Variants in TECPR1 observed in about 807,000 individuals in gnomAD.
TECPR1 encodes the protein tectonin beta-propeller repeat containing 1.
TECPR1 carries 122 observed loss-of-function variants against 162.4 expected under a neutral mutation model. The observed-to-expected ratio is 0.75, with a 90% CI of 0.65 to 0.87. TECPR1 has a LOEUF of 0.87. Ranked by LOEUF, TECPR1 falls within the 40% of genes least tolerant of loss-of-function variation. TECPR1 has a pLI of 0.00. For synonymous variants in TECPR1, 642 were observed against 670.6 expected (o/e 0.96, Z 0.66); for missense variants, 1,432 against 1,618.2 (o/e 0.88, Z 1.97).
intron 23 of TECPR1, among the ~76,000 whole-genome samples, chr7:98,219,083 C>A (rs1172998097): frequency 6.6e-6 from 1 of 152,124 alleles, no homozygotes; most frequent in African/African-American, 2.4e-5. Flanking sequence ...GAAATAAAGC[C>A]AGATACCCAC....
chr7:98,224,703 G>C (rs79279492), intron 19 of TECPR1, 98 bp downstream of exon 19: 1 of 1,211,436 alleles, frequency 8.3e-7, no homozygotes, highest in African/African-American at 1.5e-5. Context: ...CTAGGGGGCA[G>C]GGTTCAGCCT....
chr7:98,239,541 C>G (rs1379582827), intron 8 of TECPR1, among the ~76,000 whole-genome samples: 1 of 151,966 alleles, frequency 6.6e-6, no homozygotes, highest in Non-Finnish European at 1.5e-5. Context: ...GGTGACGGAA[C>G]GAGACTCTGT....
intron 23 of TECPR1, among the ~76,000 whole-genome samples, chr7:98,218,257 C>A (rs1454089479): frequency 1.3e-5 from 2 of 152,206 alleles, no homozygotes; most frequent in Admixed American, 6.5e-5. Flanking sequence ...CCGCCTTCTG[C>A]ACACTCGGGG....
chr7:98,231,547 C>T (rs1327872315), intron 13 of TECPR1, 174 bp from the exon 14 acceptor site: 2 of 642,186 alleles, frequency 3.1e-6, no homozygotes, highest in African/African-American at 4.3e-5. Flanking sequence ...CCCCAGGCAC[C>T]CCCATTTCTG....
At chr7:98,224,667 A>C (rs1798229559) in intron 19 of TECPR1, 134 bp downstream of exon 19, 1 of 847,120 alleles carries the variant, frequency 1.2e-6, no homozygotes, top group South Asian at 1.8e-5. Flanking sequence ...CAGGGCTGGC[A>C]CCAGGGGTCT....
intron 10 of TECPR1, among the ~76,000 whole-genome samples, chr7:98,236,475 G>A (rs1256600114): frequency 6.6e-6 from 1 of 151,900 alleles, no homozygotes; most frequent in African/African-American, 2.4e-5. Context: ...TCAGGGTCGA[G>A]CCTTACCTCC....
intron 10 of TECPR1, among the ~76,000 whole-genome samples, chr7:98,234,370 T>G (rs1584342348): frequency 6.6e-6 from 1 of 152,174 alleles, no homozygotes; most frequent in Non-Finnish European, 1.5e-5. Context: ...GGCAGGCTGG[T>G]CTTGAACTCC....
chr7:98,250,956 T>G (rs1799048888), intron 2 of TECPR1: 1 of 152,188 alleles, frequency 6.6e-6, no homozygotes, highest in Non-Finnish European at 1.5e-5. Context: ...GTAACCATCC[T>G]TGGTCAGCCA....
At chr7:98,230,911 C>T (rs1282756179) in intron 15 of TECPR1, 50 bp downstream of exon 15, 1 of 1,573,680 alleles carries the variant, frequency 6.4e-7, no homozygotes, top group Non-Finnish European at 8.6e-7. Context: ...TAACCACGAG[C>T]TCGGGGTGAG....
Position 98,241,296 on chromosome 7 carries a change from C to G in TECPR1, c.658-52G>C, listed in dbSNP as rs368059922. The stretch of plus-strand genomic sequence containing the variant: ...CCTGCATCAACTCATTCACACCAGC[C>G]AAGCACGGGGGTCTCGGTGTGGTAG... On this transcript the variant is annotated intron_variant, in intron 6 of 25. Transcript: ENST00000447648. This position sits in a 1 kb window ranked among gnomAD's most constrained non-coding sequence, Gnocchi z 5.0. The G allele has an allele frequency of 8.6e-4, 1,371 of 1,602,220 alleles. 25 individuals carry two copies. In the South Asian group the frequency reaches 0.014, roughly 17 times the overall value.
At position 98,233,117 on chromosome 7, in the gene TECPR1, T is replaced by C. The variant is rs11770798; in HGVS notation, c.1673-145A>G. The C allele has an allele frequency of 7.1e-6, 7 of 979,488 alleles. No homozygotes were observed. The South Asian group carries it at 1.5e-4, about 21-fold the overall frequency. The allele number at this position is 979,488 out of a possible 1,614,324, so 60.7% of individuals were successfully genotyped here. A position where few individuals can be genotyped will look rare whatever the true frequency, so the allele number is the denominator to read the frequency against. On this transcript the variant is annotated intron_variant, in intron 11 of 25. Transcript: ENST00000447648. ...AAGCCTCCTTCCACCCTTTGCCCTG[T>C]TGGATGAGTTGCTCTCCCCCAGTAA...
rs866668692 is a variant in TECPR1, at chr7:98,233,218, G to A, written c.1672+203C>T. On this transcript the variant is annotated intron_variant, in intron 11 of 25. Transcript: ENST00000447648. ...CAGGGGAAGGGGCACTGGCCACCGT[G>A]CTTCCAGGTCCTGACAGCCTCGGGC... 4 of 820,792 alleles carry A rather than the reference G, an allele frequency of 4.9e-6. No homozygotes were observed. The African/African-American group carries it at 5.2e-5, about 11-fold the overall frequency. The allele number at this position is 820,792 out of a possible 1,614,324, so 50.8% of individuals were successfully genotyped here. A position where few individuals can be genotyped will look rare whatever the true frequency, so the allele number is the denominator to read the frequency against.
Position 98,221,749 on chromosome 7 carries a change from G to T in TECPR1, c.3069C>A (p.Asp1023Glu). ...GTGGGGACGGGATGTGGTACCAGCA[G>T]TCACCTGCGAAGGGGAGGCTGACTC... The part of the protein sequence containing the change: ...GSVYPSQPAG[D>E]CWYHIPSPPR... Residue 1023 changes from aspartate to glutamate, a missense_variant, in exon 23 of 26, where the codon GAC becomes GAA. Physicochemically the swap from Asp to Glu is conservative, Grantham distance 45 (BLOSUM62 2). Transcript: ENST00000447648. 6.2e-7 allele frequency: 1 copy of T among 1,612,458 alleles called. No individual in the cohort carries two copies. The highest frequency in any genetic ancestry group is 1.1e-5 in the South Asian group (1 of 91,052).
In TECPR1 at chr7:98,241,049, T is replaced by A; in HGVS notation, c.832+21A>T. 6.3e-7 allele frequency: 1 copy of A among 1,594,610 alleles called. No individual in the cohort carries two copies. The highest frequency in any genetic ancestry group is 8.5e-7 in the Non-Finnish European group (1 of 1,169,884). ...TTCTCCCCAGTACAGGGTATGTGGG[T>A]GGGGGAGCCGGGCTGCCCACCTTTG... On this transcript the variant is annotated intron_variant, in intron 7 of 25. Coordinates refer to ENST00000447648, the MANE Select transcript of TECPR1 (RefSeq NM_015395.3). The surrounding 1 kb of genome is among the most constrained non-coding windows in gnomAD (Gnocchi z 5.0).
In TECPR1 at chr7:98,224,989, G is replaced by A; in HGVS notation, c.2610+17C>T. 1.3e-6 allele frequency: 2 copies of A among 1,543,516 alleles called. No individual in the cohort carries two copies. Among genetic ancestry groups the A allele is most frequent in the Non-Finnish European group, 1.7e-6 (2 of 1,144,154 alleles). Reference sequence around the variant, plus strand: ...GAGGGCGGATTCCCAACCCCCCAGGGGGCAGCGGGACCTCACCCAGGCCCA... The same window carrying A: ...GAGGGCGGATTCCCAACCCCCCAGGAGGCAGCGGGACCTCACCCAGGCCCA... On this transcript the variant is annotated intron_variant, in intron 18 of 25. Coordinates refer to ENST00000447648, the MANE Select transcript of TECPR1 (RefSeq NM_015395.3).
intron 21 of TECPR1, 175 bp downstream of exon 21, chr7:98,222,814 AC>A: frequency 2.3e-6 from 2 of 884,410 alleles, no homozygotes; most frequent in Non-Finnish European, 3.4e-6. Flanking sequence ...CACCTCTGTC[AC>A]CCCCGCCCCA....
In TECPR1 at chr7:98,241,219, T is replaced by C; in HGVS notation, c.683A>G (p.His228Arg). ...GKVWYREDVS[H>R]SNPEGSSWSL... ...CCAGGAGGACCCTTCGGGGTTGGAGTGGCTGACGTCCTCTCTGTACCACAC... is the reference window on the plus strand; with the variant it reads ...CCAGGAGGACCCTTCGGGGTTGGAGCGGCTGACGTCCTCTCTGTACCACAC... The change falls in exon 7 of 26, where the codon CAC becomes CGC. Residue 228 changes from histidine (H) to arginine (R), a missense_variant. Transcript: ENST00000447648. The surrounding 1 kb of genome is among the most constrained non-coding windows in gnomAD (Gnocchi z 5.0). The C allele has an allele frequency of 1.9e-6, 3 of 1,612,250 alleles. No homozygotes were observed. The highest frequency in any genetic ancestry group is 2.5e-6 in the Non-Finnish European group (3 of 1,179,706).
chr7:98,232,818 G>A lies in TECPR1; in HGVS notation c.1818+9C>T, dbSNP rs1562938373. ...AAAAAAATGCATGCGCAGCCACCGG[G>A]GCACCCACCTGCTCCACGGCCTGCT... On this transcript the variant is annotated intron_variant, in intron 12 of 25. Transcript: ENST00000447648. This position sits in a 1 kb window ranked among gnomAD's most constrained non-coding sequence, Gnocchi z 4.6. 4.5e-6 allele frequency: 7 copies of A among 1,567,836 alleles called. No individual in the cohort carries two copies. The highest frequency in any genetic ancestry group is 5.2e-6 in the Non-Finnish European group (6 of 1,160,528).
At chr7:98,240,527 C>A (rs770975296) in intron 8 of TECPR1, among the ~76,000 whole-genome samples, 1 of 152,016 alleles carries the variant, frequency 6.6e-6, no homozygotes, top group Non-Finnish European at 1.5e-5. Flanking sequence ...TCAAGCAATT[C>A]TCCTGCCTCC....
Sources: gnomAD v4.1 joint callset for allele counts (sites outside exome capture counted in the v4.1 genomes callset) on GRCh38, gnomAD v4.1.1 for gene constraint, Gnocchi (gnomAD v3.1) non-coding constraint, MANE v1.5 for transcripts, NCBI Gene and HGNC (gene_info 2026-07-23, HGNC 2026-07-21) for gene names.